TMEM178B: variants seen among roughly 807,000 people sequenced by gnomAD.
TMEM178B encodes transmembrane protein 178B.
In TMEM178B, 5 loss-of-function variants were observed where a neutral mutation model predicts 31.0. That is an observed-to-expected ratio of 0.16 (90% confidence interval 0.08 to 0.34). The LOEUF is 0.34. Ranked by LOEUF, TMEM178B falls within the 10% of genes least tolerant of loss-of-function variation. The pLI is 1.00. For missense variants in TMEM178B, 275 were observed against 400.3 expected, an observed-to-expected ratio of 0.69 and a Z score of 2.67; for synonymous variants, 164 against 164.0, an observed-to-expected ratio of 1.00 and a Z score of 0.00.
At chr7:141,437,766 T>G in intron 3 of TMEM178B, 21 bp downstream of exon 3, 1 of 1,535,996 alleles carries the variant, frequency 6.5e-7, no homozygotes, top group South Asian at 1.2e-5. Context: ...GGGCTCGGCT[T>G]GTGGGTGGCA....
intron 2 of TMEM178B, among the ~76,000 whole-genome samples, chr7:141,398,620 G>A (rs1217512998): frequency 6.6e-6 from 1 of 152,188 alleles, no homozygotes; most frequent in Admixed American, 6.5e-5. Flanking sequence ...AAGAGCACAT[G>A]GGAGGTAAAT....
the TMEM178B span, among the ~76,000 whole-genome samples, chr7:141,487,232 G>A: frequency 6.6e-6 from 1 of 151,996 alleles, no homozygotes; most frequent in Non-Finnish European, 1.5e-5. Context: ...GACCTACCAA[G>A]GGACATGCAG....
chr7:141,138,015 T>G (rs1326160928), intron 1 of TMEM178B, among the ~76,000 whole-genome samples: 1 of 152,140 alleles, frequency 6.6e-6, no homozygotes, highest in Non-Finnish European at 1.5e-5. Flanking sequence ...AAGATTTGTT[T>G]CTTGGCTTAA....
chr7:141,445,346 A>G (rs1801733649), intron 3 of TMEM178B, among the ~76,000 whole-genome samples: 2 of 152,344 alleles, frequency 1.3e-5, no homozygotes, highest in African/African-American at 4.8e-5. Flanking sequence ...GTCCAAGGCA[A>G]TGGCCATCTT....
intron 3 of TMEM178B, among the ~76,000 whole-genome samples, chr7:141,448,419 G>T (rs1050798732): frequency 6.6e-6 from 1 of 152,192 alleles, no homozygotes; most frequent in Non-Finnish European, 1.5e-5. Flanking sequence ...CAACAGCAAG[G>T]TGAAGATTTT....
intron 2 of TMEM178B, among the ~76,000 whole-genome samples, chr7:141,327,506 T>C (rs377569852): frequency 6.6e-6 from 1 of 152,202 alleles, no homozygotes; most frequent in East Asian, 1.9e-4. Context: ...CTATAGTTTA[T>C]ATTTGGGTTC....
chr7:141,358,502 C>T (rs555429858), intron 2 of TMEM178B, among the ~76,000 whole-genome samples: 1 of 152,228 alleles, frequency 6.6e-6, no homozygotes, highest in Admixed American at 6.5e-5. Flanking sequence ...GTTTCTCTAC[C>T]CAGAGACAGG....
intron 2 of TMEM178B, among the ~76,000 whole-genome samples, chr7:141,396,620 A>G (rs1185667769): frequency 6.6e-6 from 1 of 152,220 alleles, no homozygotes; most frequent in Non-Finnish European, 1.5e-5. Flanking sequence ...CTCCCATCAT[A>G]ATATCTGCAT....
intron 1 of TMEM178B, among the ~76,000 whole-genome samples, chr7:141,110,876 T>A (rs1232873812): frequency 1.3e-5 from 2 of 152,148 alleles, no homozygotes; most frequent in Non-Finnish European, 2.9e-5. Context: ...GCTCGCTGTC[T>A]TGTTCTCCAA....
intron 2 of TMEM178B, among the ~76,000 whole-genome samples, chr7:141,306,589 A>T (rs1798819405): frequency 6.6e-6 from 1 of 151,848 alleles, no homozygotes; most frequent in Non-Finnish European, 1.5e-5. Context: ...TAGAGGCAAA[A>T]ATACATGGAG....
At chr7:141,209,107 G>A (rs1201496524) in intron 1 of TMEM178B, among the ~76,000 whole-genome samples, 1 of 152,218 alleles carries the variant, frequency 6.6e-6, no homozygotes, top group Non-Finnish European at 1.5e-5. Context: ...TCCCTGGGAA[G>A]TGCCATTGTG....
chr7:141,399,393 T>C (rs1310421950), intron 2 of TMEM178B, among the ~76,000 whole-genome samples: 1 of 152,212 alleles, frequency 6.6e-6, no homozygotes, highest in East Asian at 1.9e-4. Context: ...TGGCATCATA[T>C]TTGAATATAT....
At chr7:141,103,021 G>A (rs139273560) in intron 1 of TMEM178B, among the ~76,000 whole-genome samples, 328 of 152,290 alleles carry the variant, frequency 2.2e-3, no homozygotes, top group Middle Eastern at 6.8e-3. Context: ...GACATCCCAA[G>A]GCTTGTGCTC....
rs887730120 is a variant in TMEM178B, at chr7:141,477,980, G to C, written c.*7194G>C. 6.6e-6 allele frequency: 1 copy of C among 152,338 alleles called. No homozygotes were observed. Among genetic ancestry groups the C allele is most frequent in the African/African-American group, 2.4e-5 (1 of 41,442 alleles). The allele number at this position is 152,338 out of a possible 1,614,324, so 9.4% of individuals were successfully genotyped here. ...CTACTGACTGAGCTTTGCTGCACTG[G>C]GCTGGGGTAGGAGAAAGAGCATCCA... is the stretch of plus-strand genomic sequence containing the variant. On this transcript the variant is annotated 3_prime_UTR_variant, in exon 4 of 4. Transcript: ENST00000565468.
At chr7:141,123,615 G>T (rs1795443091) in intron 1 of TMEM178B, among the ~76,000 whole-genome samples, 1 of 152,176 alleles carries the variant, frequency 6.6e-6, no homozygotes, top group Non-Finnish European at 1.5e-5. Context: ...GTGGGCTTTG[G>T]CTTCCTTCAT....
At chr7:141,140,591 C>G (rs1056484219) in intron 1 of TMEM178B, among the ~76,000 whole-genome samples, 1 of 152,066 alleles carries the variant, frequency 6.6e-6, no homozygotes, top group Non-Finnish European at 1.5e-5. Flanking sequence ...TAGTTTTTAC[C>G]AGATGTCCTT....
intron 2 of TMEM178B, among the ~76,000 whole-genome samples, chr7:141,241,033 G>A (rs535620874): frequency 6.6e-6 from 1 of 151,604 alleles, no homozygotes; most frequent in Admixed American, 6.6e-5. Context: ...ATAGCTTTTG[G>A]GGTACAAGCG....
intron 1 of TMEM178B, among the ~76,000 whole-genome samples, chr7:141,143,339 A>G (rs942840356): frequency 2.0e-5 from 3 of 152,324 alleles, no homozygotes; most frequent in Middle Eastern, 3.4e-3. Context: ...TAGAATTTTC[A>G]TAATTTGAAG....
intron 1 of TMEM178B, among the ~76,000 whole-genome samples, chr7:141,149,150 G>A (rs1336735613): frequency 6.6e-6 from 1 of 152,196 alleles, no homozygotes; most frequent in Non-Finnish European, 1.5e-5. Flanking sequence ...TAAAAGAGAA[G>A]ACTGCAGTAA....
Sources: allele counts gnomAD v4.1 joint callset (sites outside exome capture counted in the v4.1 genomes callset), GRCh38; gene constraint gnomAD v4.1.1; transcripts MANE v1.5; gene names NCBI Gene and HGNC (gene_info 2026-07-23, HGNC 2026-07-21).